Variants in ASAH1 observed in about 807,000 individuals in gnomAD.
The protein encoded by ASAH1 is acid ceramidase.
In ASAH1, 70 loss-of-function variants were observed where a neutral mutation model predicts 59.5. That is an observed-to-expected ratio of 1.18 (90% CI 0.97 to 1.43). ASAH1 has a LOEUF of 1.43. Ranked by LOEUF, ASAH1 falls within the 40% of genes most tolerant of loss-of-function variation. ASAH1 has a pLI of 0.00. For missense variants in ASAH1, 660 were observed against 482.5 expected, an observed-to-expected ratio of 1.37 and a Z score of -3.45; for synonymous variants, 213 against 166.5, an observed-to-expected ratio of 1.28 and a Z score of -2.15.
chr8:18,059,398 G>A lies in ASAH1; in HGVS notation c.984C>T (p.Phe328=), dbSNP rs769226614. The A allele has an allele frequency of 1.9e-6, 3 of 1,614,084 alleles. No individual in the cohort carries two copies. Among genetic ancestry groups the A allele is most frequent in the Non-Finnish European group, 2.5e-6 (3 of 1,180,038 alleles). Residue 328 remains phenylalanine, a synonymous_variant, in exon 12 of 14, where the codon TTC becomes TTT. Coordinates refer to ENST00000637790, the MANE Select transcript of ASAH1 (RefSeq NM_177924.5). Reference sequence around the variant, plus strand: ...CAGGCGTTCTGCGATCATCAAGGAAGAAGGGATGTTTCCAACGGTCATAAT... The same window carrying A: ...CAGGCGTTCTGCGATCATCAAGGAAAAAGGGATGTTTCCAACGGTCATAAT... The part of the protein sequence containing the change: ...QTNYDRWKHP[F]FLDDRRTPAK...
In ASAH1 at chr8:18,073,105, G is replaced by A. The variant is rs1183500661; in HGVS notation, c.126-1715C>T. 10 of 747,460 alleles carry A rather than the reference G, an allele frequency of 1.3e-5. No homozygotes were observed. The South Asian group carries it at 1.6e-4, about 12-fold the overall frequency. The allele number at this position is 747,460 out of a possible 1,614,324, so 46.3% of individuals were successfully genotyped here. A position where few individuals can be genotyped will look rare whatever the true frequency, so the allele number is the denominator to read the frequency against. ...CAAACCTGCACTAATTAGAATTTGA[G>A]AGAACTGGTTAATCTAATAAACCAA... On this transcript the variant is annotated intron_variant, in intron 2 of 13. Transcript: ENST00000637790.
chr8:18,072,979 G>C (rs1800234761), intron 2 of ASAH1, among the ~76,000 whole-genome samples: 1 of 152,104 alleles, frequency 6.6e-6, no homozygotes, highest in South Asian at 2.1e-4. Flanking sequence ...TAGGTTCATG[G>C]ATCTCAGAGA....
chr8:18,070,281 C>T (rs980626119), intron 3 of ASAH1, among the ~76,000 whole-genome samples: 7 of 152,212 alleles, frequency 4.6e-5, no homozygotes, highest in African/African-American at 1.2e-4. Flanking sequence ...TCCCAAGTAG[C>T]TGGGACTACA....
chr8:18,081,719 C>T (rs1800662140), intron 1 of ASAH1, among the ~76,000 whole-genome samples: 1 of 152,166 alleles, frequency 6.6e-6, no homozygotes, highest in Non-Finnish European at 1.5e-5. Context: ...CAATTTAAAG[C>T]TGCTTCTCAT....
chr8:18,081,504 C>G (rs921485028), intron 1 of ASAH1, among the ~76,000 whole-genome samples: 1 of 152,336 alleles, frequency 6.6e-6, no homozygotes, highest in East Asian at 1.9e-4. Flanking sequence ...TAAGAGTCTA[C>G]AGAACCCTGG....
chr8:18,066,659 CTGTT>C (rs1286524556), intron 5 of ASAH1: 4 of 152,264 alleles, frequency 2.6e-5, no homozygotes, highest in South Asian at 2.1e-4. Flanking sequence ...CTTTGGAAAA[CTGTT>C]TGGCAGAATC....
chr8:18,071,494 T>C, intron 2 of ASAH1, 104 bp from the exon 3 acceptor site: 1 of 803,944 alleles, frequency 1.2e-6, no homozygotes, highest in Non-Finnish European at 2.0e-6. Context: ...TTAACAGCAG[T>C]GTAGAATTTG....
In ASAH1 at chr8:18,057,472, C is replaced by T. The variant is rs1260317943; in HGVS notation, c.*62G>A. ...TGGAAGGTCAGACAGCTGCAGTGTT[C>T]GGTCACATGGAGATGGTGTCTTCAT... is the stretch of plus-strand genomic sequence containing the variant. On this transcript the variant is annotated 3_prime_UTR_variant, in exon 14 of 14. Transcript: ENST00000637790. 15 of 1,332,544 alleles carry T rather than the reference C, an allele frequency of 1.1e-5. No homozygotes were observed. Among genetic ancestry groups the T allele is most frequent in the East Asian group, 2.6e-5 (1 of 38,730 alleles). The allele number at this position is 1,332,544 out of a possible 1,614,324, so 82.5% of individuals were successfully genotyped here. A position where few individuals can be genotyped will look rare whatever the true frequency, so the allele number is the denominator to read the frequency against.
chr8:18,062,639 TATAA>T (rs1479280482), intron 7 of ASAH1: 2 of 571,428 alleles, frequency 3.5e-6, no homozygotes, highest in African/African-American at 1.9e-5. Flanking sequence ...TCACACAGCT[TATAA>T]ATAGTGAGCC....
At chr8:18,061,541 T>C in intron 9 of ASAH1, 83 bp from the exon 10 acceptor site, 2 of 1,446,266 alleles carry the variant, frequency 1.4e-6, no homozygotes, top group Non-Finnish European at 1.9e-6. Flanking sequence ...CTGGACTATA[T>C]AACCAGTCAG....
chr8:18,064,437 C>CGGG lies in ASAH1; in HGVS notation c.457+19_457+20insCCC. The stretch of plus-strand genomic sequence containing the variant: ...TATGTAGTGCTTCATGCTGCCCACC[C>CGGG]TCCCTCAGCGCACAATTACCTTTTT... On this transcript the variant is annotated intron_variant, in intron 6 of 13. Transcript: ENST00000637790. 3 of 1,470,498 alleles carry CGGG rather than the reference C, an allele frequency of 2.0e-6. No individual in the cohort carries two copies. The highest frequency in any genetic ancestry group is 2.9e-6 in the Non-Finnish European group (3 of 1,052,218). The allele number at this position is 1,470,498 out of a possible 1,614,324, so 91.1% of individuals were successfully genotyped here.
At chr8:18,061,211 C>A in intron 10 of ASAH1, 166 bp downstream of exon 10, 1 of 595,382 alleles carries the variant, frequency 1.7e-6, no homozygotes, top group Non-Finnish European at 3.0e-6. Flanking sequence ...AACACACAGT[C>A]TGCACGAAGA....
Position 18,075,660 on chromosome 8 carries a change from G to C in ASAH1, c.79-73C>G, listed in dbSNP as rs183199225. 313 of 1,394,866 alleles carry C rather than the reference G, an allele frequency of 2.2e-4. 2 individuals are homozygous for C. The East Asian group carries it at 6.7e-3, about 30-fold the overall frequency. 86.4% of individuals were successfully genotyped at this position (1,394,866 alleles called of 1,614,324 possible). Reference sequence around the variant, plus strand: ...AACGGAATAAGCAATTTCAAAAGTAGTTAATCTGTGAAGACAACATCAAGT... The same window carrying C: ...AACGGAATAAGCAATTTCAAAAGTACTTAATCTGTGAAGACAACATCAAGT... On this transcript the variant is annotated intron_variant, in intron 1 of 13. Transcript: ENST00000637790.
At chr8:18,061,838 T>C (rs768579698) in intron 8 of ASAH1, 98 bp from the exon 9 acceptor site, 1 of 1,149,256 alleles carries the variant, frequency 8.7e-7, no homozygotes, top group East Asian at 2.6e-5. Context: ...AAGGCCTAGC[T>C]TGGGTAATGG....
At chr8:18,081,266 A>T (rs78224352) in intron 1 of ASAH1, among the ~76,000 whole-genome samples, 2 of 151,710 alleles carry the variant, frequency 1.3e-5, no homozygotes, top group Admixed American at 1.3e-4. Flanking sequence ...CGCCCTCCTG[A>T]TTTTTTTCTA....
intron 10 of ASAH1, 93 bp from the exon 11 acceptor site, chr8:18,059,796 A>T: frequency 7.7e-7 from 1 of 1,306,208 alleles, no homozygotes; most frequent in Non-Finnish European, 1.1e-6. Context: ...AAGTTCTGGG[A>T]CACATGTGCT....
chr8:18,073,993 T>C (rs1053883240), intron 2 of ASAH1, among the ~76,000 whole-genome samples: 4 of 152,304 alleles, frequency 2.6e-5, no homozygotes, highest in African/African-American at 9.6e-5. Context: ...TGTATGCACA[T>C]AGGTAGACAC....
At chr8:18,084,955 G>C (rs989797801), upstream of ASAH1, 39 of 1,086,500 alleles carry the variant, frequency 3.6e-5, no homozygotes, top group Non-Finnish European at 5.0e-5. Context: ...TGACCGGGTT[G>C]GATTTCAAAG....
At position 18,061,417 on chromosome 8, in the gene ASAH1, T is replaced by C; in HGVS notation, c.745A>G (p.Ile249Val). 1 of 1,613,202 alleles carries C rather than the reference T, an allele frequency of 6.2e-7. No individual in the cohort carries two copies. The highest frequency in any genetic ancestry group is 8.5e-7 in the Non-Finnish European group (1 of 1,179,114). Residue 249 changes from isoleucine to valine, a missense_variant, in exon 10 of 14, where the codon ATA becomes GTA. Transcript: ENST00000637790. ...WILGKKDVMW[I>V]GFLTRTVLEN... ...AGAACTGTTCTAGTGAGGAACCCTA[T>C]CCACATGACATCTTTCTTTCCCAGA...
Sources: allele counts gnomAD v4.1 joint callset (sites outside exome capture counted in the v4.1 genomes callset), GRCh38; gene constraint gnomAD v4.1.1; transcripts MANE v1.5; gene names NCBI Gene and HGNC (gene_info 2026-07-23, HGNC 2026-07-21).